The following FGF12 variants were observed in gnomAD, a reference collection of about 807,000 sequenced individuals.
FGF12 encodes the protein fibroblast growth factor 12, also known as fibroblast growth factor 12B.
Under a neutral mutation model 23.6 loss-of-function variants are expected in FGF12, and 14 were observed. The ratio of observed to expected loss-of-function variants is 0.59; its 90% CI spans 0.39 to 0.93. The LOEUF is 0.93. Among genes scored for constraint, FGF12 ranks in the 40% least tolerant of loss-of-function variants. FGF12 has a pLI of 0.00. For synonymous variants in FGF12, 62 were observed against 77.3 expected, an observed-to-expected ratio of 0.80 and a Z score of 1.04; for missense variants, 175 against 217.8, an observed-to-expected ratio of 0.80 and a Z score of 1.24.
chr3:192,258,675 G>T (rs1712560176), intron 4 of FGF12, among the ~76,000 whole-genome samples: 2 of 151,992 alleles, frequency 1.3e-5, no homozygotes, highest in South Asian at 4.1e-4. Context: ...TACTATTAAA[G>T]AAAGTATAAA....
chr3:192,413,613 C>T (rs747056352), intron 2 of FGF12, among the ~76,000 whole-genome samples: 2 of 152,186 alleles, frequency 1.3e-5, no homozygotes, highest in Non-Finnish European at 2.9e-5. Context: ...CATCATCATT[C>T]ACTCTTGGAA....
chr3:192,193,475 T>C (rs1245137611), intron 4 of FGF12, among the ~76,000 whole-genome samples: 1 of 152,202 alleles, frequency 6.6e-6, no homozygotes, highest in Non-Finnish European at 1.5e-5. Flanking sequence ...TTTCTTTTCC[T>C]TTTAAGTAGG....
chr3:192,315,226 T>G (rs944481381), intron 4 of FGF12, among the ~76,000 whole-genome samples: 1 of 152,206 alleles, frequency 6.6e-6, no homozygotes, highest in African/African-American at 2.4e-5. Flanking sequence ...TTGTTCTTAT[T>G]TGACCCCATC....
At chr3:192,293,467 C>T (rs1714871943) in intron 4 of FGF12, among the ~76,000 whole-genome samples, 1 of 152,146 alleles carries the variant, frequency 6.6e-6, no homozygotes. Flanking sequence ...CTCATGTCCT[C>T]AAGGCTAATT....
chr3:192,281,714 G>GA (rs1714155057), intron 4 of FGF12, among the ~76,000 whole-genome samples: 1 of 152,114 alleles, frequency 6.6e-6, no homozygotes, highest in South Asian at 2.1e-4. Context: ...GAGGTGAAAG[G>GA]ATTAGGGGTA....
chr3:192,719,469 C>T (rs902568517), intron 2 of FGF12, among the ~76,000 whole-genome samples: 9 of 152,108 alleles, frequency 5.9e-5, no homozygotes, highest in Non-Finnish European at 1.0e-4. Context: ...GTACTCATTT[C>T]ATCTCATGTT....
At chr3:192,167,769 AAAATT>A (rs1232981214) in intron 5 of FGF12, among the ~76,000 whole-genome samples, 2,997 of 38,732 alleles carry the variant, frequency 0.077, 376 homozygotes, top group South Asian at 0.089. Context: ...ATATATATAT[AAAATT>A]TTTTTTTTTT....
intron 4 of FGF12, among the ~76,000 whole-genome samples, chr3:192,227,449 G>A (rs1577254616): frequency 1.3e-5 from 2 of 151,942 alleles, no homozygotes; most frequent in East Asian, 3.9e-4. Context: ...TATCCGAAAT[G>A]TACCCTAAAT....
chr3:192,215,943 C>T (rs1718172942), intron 4 of FGF12, among the ~76,000 whole-genome samples: 1 of 152,146 alleles, frequency 6.6e-6, no homozygotes, highest in African/African-American at 2.4e-5. Flanking sequence ...CTCTATGCAT[C>T]CCACTATCTT....
In FGF12 at chr3:192,145,222, G is replaced by A. The variant is rs958040938; in HGVS notation, c.428-1095C>T. Among the ~76,000 whole-genome samples, 9 of 152,340 alleles carry A rather than the reference G, an allele frequency of 5.9e-5. No individual in the cohort carries two copies. In the South Asian group the frequency reaches 1.2e-3, roughly 21 times the overall value. The stretch of plus-strand genomic sequence containing the variant: ...TTATGAAGATTAAATGCCTTGCATA[G>A]AGCAAGTACCAAAAAATGTTTATGA... On this transcript the variant is annotated intron_variant, in intron 5 of 5. Transcript: ENST00000445105.
intron 2 of FGF12, among the ~76,000 whole-genome samples, chr3:192,628,454 C>CACACAG (rs1715259314): frequency 7.9e-6 from 1 of 126,968 alleles, no homozygotes; most frequent in African/African-American, 2.8e-5. Context: ...CACACACACA[C>CACACAG]ACACACACAC....
chr3:192,583,630 CCT>C (rs1713252918), intron 2 of FGF12, among the ~76,000 whole-genome samples: 1 of 152,116 alleles, frequency 6.6e-6, no homozygotes, highest in Non-Finnish European at 1.5e-5. Context: ...TTTCAGACCC[CCT>C]GACTTCATCC....
chr3:192,552,994 A>T (rs1365622497), intron 2 of FGF12, among the ~76,000 whole-genome samples: 1 of 152,238 alleles, frequency 6.6e-6, no homozygotes, highest in African/African-American at 2.4e-5. Flanking sequence ...TTTTAAAGTC[A>T]AGCCAGTATT....
At chr3:192,238,504 G>C (rs746782711) in intron 4 of FGF12, 13 of 152,162 alleles carry the variant, frequency 8.5e-5, no homozygotes, top group Non-Finnish European at 1.8e-4. Flanking sequence ...GGTCCACCAG[G>C]TCGTTTTCTT....
intron 4 of FGF12, among the ~76,000 whole-genome samples, chr3:192,226,675 G>C (rs1718752284): frequency 6.6e-6 from 1 of 152,098 alleles, no homozygotes; most frequent in Non-Finnish European, 1.5e-5. Flanking sequence ...TCCTGAGTGG[G>C]ATTAGTGTCC....
At chr3:192,445,472 C>T (rs979789276) in intron 2 of FGF12, among the ~76,000 whole-genome samples, 2 of 152,174 alleles carry the variant, frequency 1.3e-5, no homozygotes, top group South Asian at 4.1e-4. Context: ...CTTCCTAGAG[C>T]ATCTCATCTA....
intron 5 of FGF12, among the ~76,000 whole-genome samples, chr3:192,154,798 C>T (rs1396729428): frequency 6.8e-6 from 1 of 147,094 alleles, no homozygotes; most frequent in Non-Finnish European, 1.5e-5. Flanking sequence ...AGAGGTGGAG[C>T]CTACAGAGGC....
chr3:192,686,762 A>G (rs1455271100), intron 2 of FGF12, among the ~76,000 whole-genome samples: 1 of 151,178 alleles, frequency 6.6e-6, no homozygotes, highest in Non-Finnish European at 1.5e-5. Flanking sequence ...CACGTTCTGC[A>G]CATGTAATCG....
chr3:192,461,508 G>A (rs1222239479), intron 2 of FGF12, among the ~76,000 whole-genome samples: 2 of 152,092 alleles, frequency 1.3e-5, no homozygotes, highest in Non-Finnish European at 2.9e-5. Context: ...TTATAAACTA[G>A]TATCTATCAA....
Sources: gnomAD v4.1 joint callset for allele counts (sites outside exome capture counted in the v4.1 genomes callset) on GRCh38, gnomAD v4.1.1 for gene constraint, MANE v1.5 for transcripts, NCBI Gene and HGNC (gene_info 2026-07-23, HGNC 2026-07-21) for gene names.